NSD1: variants seen among roughly 807,000 people sequenced by gnomAD.
The protein encoded by NSD1 is nuclear receptor binding SET domain protein 1.
A neutral mutation model predicts 242.7 loss-of-function variants in NSD1; 26 were observed. The observed-to-expected ratio is 0.11, with a 90% CI of 0.08 to 0.15. The LOEUF (loss-of-function observed/expected upper bound fraction) is 0.15, where lower values mean the gene tolerates loss of function less well. Ranked by LOEUF, NSD1 falls within the 10% of genes least tolerant of loss-of-function variation. The pLI is 1.00. For synonymous variants in NSD1, 1,106 were observed against 1,178.1 expected (o/e 0.94, Z 1.25); for missense variants, 2,495 against 3,272.8 (o/e 0.76, Z 5.80).
chr5:177,197,447 CCT>C (rs1360917678), intron 3 of NSD1, among the ~76,000 whole-genome samples: 1 of 152,038 alleles, frequency 6.6e-6, no homozygotes, highest in African/African-American at 2.4e-5. Context: ...AAGGTGAAAC[CCT>C]GTCTCTACTA....
At chr5:177,244,348 T>TA (rs748847070) in intron 9 of NSD1, 78 bp downstream of exon 9, 1 of 1,065,850 alleles carries the variant, frequency 9.4e-7, no homozygotes, top group Non-Finnish European at 1.4e-6. Flanking sequence ...CAAAAATTGT[T>TA]ACATGTGTAA....
chr5:177,268,288 A>T (rs1757672760), intron 15 of NSD1, among the ~76,000 whole-genome samples: 1 of 136,890 alleles, frequency 7.3e-6, no homozygotes, highest in Admixed American at 7.9e-5. Context: ...TTTCTTTTTT[A>T]AAATATTTTG....
At chr5:177,182,019 G>A (rs536881357) in intron 2 of NSD1, among the ~76,000 whole-genome samples, 1 of 152,144 alleles carries the variant, frequency 6.6e-6, no homozygotes, top group South Asian at 2.1e-4. Flanking sequence ...AGGCATGGTG[G>A]CGGGCGTCTG....
intron 5 of NSD1, among the ~76,000 whole-genome samples, chr5:177,228,413 T>C (rs1396483012): frequency 6.6e-6 from 1 of 151,950 alleles, no homozygotes; most frequent in South Asian, 2.1e-4. Flanking sequence ...GACGGGATTT[T>C]GCCATGTTGG....
chr5:177,132,784 C>T (rs907442764), upstream of NSD1, among the ~76,000 whole-genome samples: 2 of 137,996 alleles, frequency 1.4e-5, no homozygotes, highest in Non-Finnish European at 3.1e-5. The surrounding 1 kb of genome is among the most constrained non-coding windows in gnomAD (Gnocchi z 7.5). Flanking sequence ...CCGCACGGCC[C>T]GGCAAGGGGA....
rs549659722 is a variant in NSD1 at position 177,299,251 on chromosome 5, G to C, written c.*3792G>C. On this transcript the variant is annotated 3_prime_UTR_variant, in exon 23 of 23. Transcript: ENST00000439151. ...ACTGCCAAGGGTTGAGGGACTGGCA[G>C]CTCAAGAAACCCGGGTTCCTGTTTG... is the stretch of plus-strand genomic sequence containing the variant. The C allele has an allele frequency of 1.7e-5, 4 of 233,336 alleles. No individual in the cohort carries two copies. Among genetic ancestry groups the C allele is most frequent in the Admixed American group, 1.1e-4 (2 of 17,808 alleles). The allele number at this position is 233,336 out of a possible 1,614,324, so 14.5% of individuals were successfully genotyped here.
At chr5:177,145,844 G>C (rs1189921469) in intron 2 of NSD1, among the ~76,000 whole-genome samples, 1 of 148,228 alleles carries the variant, frequency 6.7e-6, no homozygotes, top group Non-Finnish European at 1.5e-5. Flanking sequence ...GGAGGCGGAG[G>C]TTGTAGTGAG....
At chr5:177,137,208 G>A in intron 2 of NSD1, 1 of 314,864 alleles carries the variant, frequency 3.2e-6, no homozygotes, top group South Asian at 1.5e-4. Flanking sequence ...ATTGCTATAA[G>A]ATTCCTTCAG....
chr5:177,212,021 A>G lies in NSD1; in HGVS notation c.3622A>G (p.Thr1208Ala), dbSNP rs922631519. ...EGRDEFPEHR[T>A]PSASILEEPL... ...GCGGGATGAGTTTCCAGAGCATAGAACTCCTTCAGCAAGCATACTTGAGGA... is the reference window on the plus strand; with the variant it reads ...GCGGGATGAGTTTCCAGAGCATAGAGCTCCTTCAGCAAGCATACTTGAGGA... The change falls in exon 5 of 23, where the codon ACT becomes GCT. Residue 1208 changes from threonine (T) to alanine (A), a missense_variant. Physicochemically the swap from Thr to Ala is moderately conservative, Grantham distance 58 (BLOSUM62 0). This residue lies in a region of NSD1 where 426 missense variants were observed against 411.4 expected (regional missense o/e 1.04). Transcript: ENST00000439151. 8 of 1,613,750 alleles carry G rather than the reference A, an allele frequency of 5.0e-6. No homozygotes were observed. The highest frequency in any genetic ancestry group is 2.7e-5 in the African/African-American group (2 of 74,800).
At chr5:177,279,463 A>G (rs2127254726) in intron 17 of NSD1, among the ~76,000 whole-genome samples, 1 of 152,250 alleles carries the variant, frequency 6.6e-6, no homozygotes, top group Admixed American at 6.5e-5. Flanking sequence ...CCGCCACTGC[A>G]CTGCAGCCTG....
intron 2 of NSD1, among the ~76,000 whole-genome samples, chr5:177,142,419 G>A (rs1756903679): frequency 6.6e-6 from 1 of 152,194 alleles, no homozygotes; most frequent in Non-Finnish European, 1.5e-5. Flanking sequence ...TCTGGTAGGT[G>A]TTATGTATGC....
chr5:177,241,511 A>G (rs1026013947), intron 8 of NSD1, among the ~76,000 whole-genome samples: 19 of 151,974 alleles, frequency 1.3e-4, no homozygotes, highest in African/African-American at 3.9e-4. Context: ...TCTCTCTCAA[A>G]AAAAAAAAGA....
chr5:177,185,654 C>T (rs1434220257), intron 2 of NSD1, among the ~76,000 whole-genome samples: 1 of 121,182 alleles, frequency 8.3e-6, no homozygotes, highest in Non-Finnish European at 1.6e-5. Flanking sequence ...AGACAGAGAC[C>T]AAATATATAT....
In NSD1 at chr5:177,299,790, C is replaced by G. The variant is rs187514085; in HGVS notation, c.*4331C>G. ...AAGTTTCGTGGACAAGACATGGGCA[C>G]AGAGAGTAGAAGCAGAAATAAATGG... is the stretch of plus-strand genomic sequence containing the variant. On this transcript the variant is annotated 3_prime_UTR_variant, in exon 23 of 23. Transcript: ENST00000439151. 3.5e-3 allele frequency: 827 copies of G among 233,242 alleles called. 9 individuals carry two copies. Among genetic ancestry groups the G allele is most frequent in the African/African-American group, 0.017 (760 of 45,424 alleles). 14.4% of individuals were successfully genotyped at this position (233,242 alleles called of 1,614,324 possible).
chr5:177,231,187 G>A (rs993440080), intron 5 of NSD1, among the ~76,000 whole-genome samples: 5 of 152,176 alleles, frequency 3.3e-5, no homozygotes, highest in African/African-American at 4.8e-5. Flanking sequence ...CTGGGCTCAA[G>A]TGATCCTCCC....
At chr5:177,203,682 C>G (rs1177257086) in intron 3 of NSD1, among the ~76,000 whole-genome samples, 1 of 151,614 alleles carries the variant, frequency 6.6e-6, no homozygotes, top group Non-Finnish European at 1.5e-5. Context: ...AACATTTCTT[C>G]TTCTTTATAT....
chr5:177,135,579 T>A lies in NSD1; in HGVS notation c.476T>A (p.Val159Glu). Residue 159 changes from valine to glutamate, a missense_variant, in exon 2 of 23, where the codon GTG becomes GAG. Physicochemically the swap from Val to Glu is moderately radical, Grantham distance 121. Transcript: ENST00000439151. ...CTGCACTTTGAGAATTTTACTTGTG[T>A]GGACGATGCAGATGTAGATTCTGAA... ...GFLHFENFTC[V>E]DDADVDSEMD... 6.2e-7 allele frequency: 1 copy of A among 1,614,202 alleles called. No individual in the cohort carries two copies. Among genetic ancestry groups the A allele is most frequent in the Non-Finnish European group, 8.5e-7 (1 of 1,180,036 alleles).
rs1367834687 is a variant in NSD1 at position 177,298,559 on chromosome 5, T to C, written c.*3100T>C. ...TTAAATGTCTGCTTTACCCTGTTAC[T>C]GAGTTTGAGATGACTTAAATCACTG... On this transcript the variant is annotated 3_prime_UTR_variant, in exon 23 of 23. Coordinates refer to ENST00000439151, the MANE Select transcript of NSD1 (RefSeq NM_022455.5). 8.6e-6 allele frequency: 2 copies of C among 233,222 alleles called. No homozygotes were observed. Among genetic ancestry groups the C allele is most frequent in the African/African-American group, 2.2e-5 (1 of 45,368 alleles). 14.4% of individuals were successfully genotyped at this position (233,222 alleles called of 1,614,324 possible).
intron 2 of NSD1, among the ~76,000 whole-genome samples, chr5:177,153,681 T>G (rs1757904884): frequency 6.6e-6 from 1 of 152,168 alleles, no homozygotes; most frequent in Non-Finnish European, 1.5e-5. Flanking sequence ...TTTCGAGTGA[T>G]TTATTGATTC....
Sources: gnomAD v4.1 joint callset for allele counts (sites outside exome capture counted in the v4.1 genomes callset) on GRCh38, gnomAD v4.1.1 for gene constraint, gnomAD v4.1.1 regional missense constraint, Gnocchi (gnomAD v3.1) non-coding constraint, MANE v1.5 for transcripts, NCBI Gene and HGNC (gene_info 2026-07-23, HGNC 2026-07-21) for gene names.